Variants in MICU1 observed in about 807,000 individuals in gnomAD.
The protein encoded by MICU1 is mitochondrial calcium uptake 1, also known as calcium uptake protein 1, mitochondrial.
A neutral mutation model predicts 56.8 loss-of-function variants in MICU1; 45 were observed. The ratio of observed to expected loss-of-function variants is 0.79; its 90% CI spans 0.62 to 1.02. The LOEUF is 1.02. MICU1 is among the 50% of genes least tolerant of loss of function. MICU1 has a pLI of 0.00. For synonymous variants in MICU1, 186 were observed against 195.1 expected (o/e 0.95, Z 0.39); for missense variants, 504 against 587.1 (o/e 0.86, Z 1.46).
In MICU1 at chr10:72,437,883, C is replaced by A. The variant is rs902287903; in HGVS notation, c.934-14512G>T. 2.0e-5 allele frequency among the ~76,000 whole-genome samples: 3 copies of A among 152,182 alleles called. No individual in the cohort carries two copies. In the South Asian group the frequency reaches 6.2e-4, roughly 32 times the overall value. ...TATATATGCACCCAATACAGGAGCA[C>A]CCAGATTCATAAAGTAAGTCCTTAG... On this transcript the variant is annotated intron_variant, in intron 8 of 11. Coordinates refer to ENST00000361114, the MANE Select transcript of MICU1 (RefSeq NM_001195518.2).
chr10:72,403,594 G>C (rs543799415), intron 10 of MICU1, among the ~76,000 whole-genome samples: 1 of 150,498 alleles, frequency 6.6e-6, no homozygotes, highest in Non-Finnish European at 1.5e-5. Context: ...AAAATATTTT[G>C]AACAGGATGA....
chr10:72,616,666 A>AC (rs1841990988), intron 1 of MICU1, among the ~76,000 whole-genome samples: 1 of 149,644 alleles, frequency 6.7e-6, no homozygotes, highest in African/African-American at 2.5e-5. Flanking sequence ...AAAAAAAAAA[A>AC]ACACACTATT....
At chr10:72,445,352 T>TA (rs1865073592) in intron 8 of MICU1, among the ~76,000 whole-genome samples, 1 of 152,190 alleles carries the variant, frequency 6.6e-6, no homozygotes, top group Non-Finnish European at 1.5e-5. Context: ...TCAATTTTCA[T>TA]AAAATTCAAA....
chr10:72,482,230 C>T (rs1169398078), intron 6 of MICU1, among the ~76,000 whole-genome samples: 1 of 152,116 alleles, frequency 6.6e-6, no homozygotes, highest in East Asian at 1.9e-4. Flanking sequence ...TCTGGCTTTT[C>T]CAATAACCTA....
At chr10:72,606,373 G>A (rs547939687) in intron 1 of MICU1, among the ~76,000 whole-genome samples, 40 of 151,896 alleles carry the variant, frequency 2.6e-4, no homozygotes, top group African/African-American at 9.2e-4. Flanking sequence ...AATTAGCCGG[G>A]CATGGTGGTG....
At chr10:72,525,080 A>G (rs140827752) in intron 5 of MICU1, among the ~76,000 whole-genome samples, 58 of 152,196 alleles carry the variant, frequency 3.8e-4, no homozygotes, top group Non-Finnish European at 7.9e-4. Flanking sequence ...AAGAAAGAGT[A>G]CATAATGGCT....
At chr10:72,512,257 C>T (rs561154071) in intron 5 of MICU1, among the ~76,000 whole-genome samples, 2 of 151,752 alleles carry the variant, frequency 1.3e-5, no homozygotes, top group South Asian at 4.2e-4. Context: ...ATTACAGGTG[C>T]CCGCCACCAC....
intron 9 of MICU1, among the ~76,000 whole-genome samples, chr10:72,413,785 A>AACTC (rs1863899164): frequency 6.6e-6 from 1 of 152,220 alleles, no homozygotes; most frequent in Non-Finnish European, 1.5e-5. Context: ...CAACTATTAT[A>AACTC]ACTCAATATA....
At chr10:72,603,799 T>C (rs1234219864) in intron 1 of MICU1, among the ~76,000 whole-genome samples, 1 of 152,038 alleles carries the variant, frequency 6.6e-6, no homozygotes, top group Non-Finnish European at 1.5e-5. Flanking sequence ...AATGAAACTC[T>C]GTCTCAAAAA....
intron 10 of MICU1, among the ~76,000 whole-genome samples, chr10:72,398,584 G>C (rs1471261933): frequency 6.6e-6 from 1 of 151,994 alleles, no homozygotes; most frequent in Non-Finnish European, 1.5e-5. Context: ...GAATCAAATA[G>C]ACACAGTAAG....
intron 1 of MICU1, among the ~76,000 whole-genome samples, chr10:72,581,844 G>A (rs568962921): frequency 4.4e-4 from 67 of 152,238 alleles, no homozygotes; most frequent in African/African-American, 1.6e-3. Flanking sequence ...TCCTTTTCCG[G>A]TTCTAAGAGT....
intron 8 of MICU1, among the ~76,000 whole-genome samples, chr10:72,454,469 A>AAAAAAAAC (rs1159896691): frequency 1.4e-5 from 2 of 147,918 alleles, no homozygotes; most frequent in Non-Finnish European, 1.5e-5. Context: ...TTAAAAAAAC[A>AAAAAAAAC]AAAAAAACAA....
chr10:72,502,153 T>TTC (rs1340123475), intron 6 of MICU1, among the ~76,000 whole-genome samples: 1 of 102,718 alleles, frequency 9.7e-6, no homozygotes, highest in Non-Finnish European at 2.8e-5. Flanking sequence ...GCTGTTTTTT[T>TTC]TTTTGTTTTT....
At position 72,369,696 on chromosome 10, in the gene MICU1, T is replaced by G. The variant is rs548470343; in HGVS notation, c.1271-1341A>C. ...GAAACTTTGGAGAGCATCTGTTTTT[T>G]TTTTTGTTGTTGTTGTTGTTTGTTT... On this transcript the variant is annotated intron_variant, in intron 11 of 11. Transcript: ENST00000361114. Among the ~76,000 whole-genome samples the G allele has an allele frequency of 1.6e-4, 25 of 151,992 alleles. No homozygotes were observed. In the East Asian group the frequency reaches 3.9e-3, roughly 23 times the overall value.
intron 4 of MICU1, among the ~76,000 whole-genome samples, chr10:72,544,210 C>A (rs1276645113): frequency 6.6e-6 from 1 of 151,704 alleles, no homozygotes; most frequent in African/African-American, 2.4e-5. Flanking sequence ...TCACACAGAC[C>A]CCCTTAGAGT....
rs187285977 is a variant in MICU1, at chr10:72,519,311, T to C, written c.538-11042A>G. ...TATTTCAAAACTTAAAGTGTAGTTA[T>C]AGGTACAGTATCACCAACCCATTCA... On this transcript the variant is annotated intron_variant, in intron 5 of 11. Coordinates refer to ENST00000361114, the MANE Select transcript of MICU1 (RefSeq NM_001195518.2). Among the ~76,000 whole-genome samples the C allele has an allele frequency of 3.2e-3, 481 of 152,330 alleles. 2 individuals carry two copies. Among genetic ancestry groups the C allele is most frequent in the African/African-American group, 0.011 (462 of 41,574 alleles).
chr10:72,617,180 T>C lies in MICU1; in HGVS notation c.-2+8830A>G, dbSNP rs575542677. Among the ~76,000 whole-genome samples, 6 of 152,306 alleles carry C rather than the reference T, an allele frequency of 3.9e-5. No homozygotes were observed. The South Asian group carries it at 1.2e-3, about 32-fold the overall frequency. On this transcript the variant is annotated intron_variant, in intron 1 of 11. Transcript: ENST00000361114. Reference sequence around the variant, plus strand: ...TTTATTCATCTCTTTCTCTGAATTATTTTAAGGCAACTCAAATATTATATC... The same window carrying C: ...TTTATTCATCTCTTTCTCTGAATTACTTTAAGGCAACTCAAATATTATATC...
At chr10:72,386,970 G>A (rs970573964) in intron 10 of MICU1, among the ~76,000 whole-genome samples, 5 of 152,126 alleles carry the variant, frequency 3.3e-5, no homozygotes, top group African/African-American at 1.2e-4. Flanking sequence ...TCCTAACAAG[G>A]AAATAAATTA....
intron 8 of MICU1, among the ~76,000 whole-genome samples, chr10:72,427,872 T>C (rs1864401634): frequency 6.6e-6 from 1 of 151,964 alleles, no homozygotes; most frequent in Non-Finnish European, 1.5e-5. Context: ...AATCTGATAG[T>C]ATGTGGCTTT....
Sources: allele counts gnomAD v4.1 joint callset (sites outside exome capture counted in the v4.1 genomes callset), GRCh38; gene constraint gnomAD v4.1.1; transcripts MANE v1.5; gene names NCBI Gene and HGNC (gene_info 2026-07-23, HGNC 2026-07-21).